FAHD1: variants seen among roughly 807,000 people sequenced by gnomAD.
FAHD1 encodes FAH domain containing oxaloacetate decarboxylase 1.
In FAHD1, 14 loss-of-function variants were observed where a neutral mutation model predicts 12.7. The ratio of observed to expected loss-of-function variants is 1.10; its 90% CI spans 0.73 to 1.72. The LOEUF (loss-of-function observed/expected upper bound fraction) is 1.72. FAHD1 is among the 40% of genes most tolerant of loss of function. The probability of loss-of-function intolerance (pLI) is 0.00; values close to 1 mark genes in which losing one functional copy is unlikely to be tolerated. For synonymous variants in FAHD1, 153 were observed against 124.9 expected (o/e 1.22, Z -1.50); for missense variants, 351 against 298.9 (o/e 1.17, Z -1.29).
At chr16:1,833,773 G>C (rs572755756), downstream of FAHD1, among the ~76,000 whole-genome samples, 9 of 151,984 alleles carry the variant, frequency 5.9e-5, no homozygotes, top group Non-Finnish European at 1.2e-4. Flanking sequence ...GTGTTAGCCA[G>C]GATGGTCTCG....
exon 3 of FAHD1, chr16:1,839,970 C>T (rs1898857905): frequency 6.6e-6 from 1 of 152,418 alleles, no homozygotes; most frequent in South Asian, 2.1e-4. Context: ...CCGGGTAGCA[C>T]CCAGATGCTA....
chr16:1,831,242 A>G (rs1898616202), downstream of FAHD1, among the ~76,000 whole-genome samples: 1 of 152,188 alleles, frequency 6.6e-6, no homozygotes, highest in South Asian at 2.1e-4. Context: ...CCCCTTTTTA[A>G]TGGCTGTATC....
chr16:1,827,313 G>T (rs764552587), exon 1 of FAHD1: 16 of 1,613,112 alleles, frequency 9.9e-6, no homozygotes, highest in Admixed American at 3.3e-5. Flanking sequence ...GGAACTACGC[G>T]GACCACGTCA....
chr16:1,827,957 C>T (rs1277184745), exon 1 of FAHD1: 25 of 1,575,708 alleles, frequency 1.6e-5, no homozygotes, highest in Non-Finnish European at 2.2e-5. Context: ...GAGCAAGCAA[C>T]GGCTATTAAA....
At chr16:1,833,557 T>TTTC (rs1276623810), downstream of FAHD1, among the ~76,000 whole-genome samples, 38 of 130,900 alleles carry the variant, frequency 2.9e-4, no homozygotes, top group Non-Finnish European at 5.1e-4. Flanking sequence ...AGAGGTACTT[T>TTTC]TTTTTTTTTT....
intron 2 of FAHD1, among the ~76,000 whole-genome samples, chr16:1,838,784 T>G (rs957871400): frequency 1.3e-5 from 2 of 152,158 alleles, no homozygotes; most frequent in Non-Finnish European, 2.9e-5. Flanking sequence ...TTCCACATCC[T>G]GGGCTCAAGT....
downstream of FAHD1, among the ~76,000 whole-genome samples, chr16:1,832,772 C>T (rs1898647250): frequency 2.0e-5 from 3 of 151,708 alleles, no homozygotes; most frequent in Admixed American, 2.0e-4. Context: ...CTCTCCTCTC[C>T]TTCCTTCCCT....
chr16:1,827,600 G>A (rs377760925), exon 1 of FAHD1: 4 of 1,613,732 alleles, frequency 2.5e-6, no homozygotes, highest in Non-Finnish European at 3.4e-6. Flanking sequence ...CTGGCGAAGA[G>A]CTTCACGGCG....
intron 1 of FAHD1, among the ~76,000 whole-genome samples, chr16:1,835,725 T>C (rs1898726662): frequency 6.6e-6 from 1 of 152,228 alleles, no homozygotes; most frequent in African/African-American, 2.4e-5. Context: ...ACCCTGCTCA[T>C]GGAATCCCCA....
chr16:1,839,492 A>C, exon 3 of FAHD1: 71 of 1,479,680 alleles, frequency 4.8e-5, no homozygotes, highest in Non-Finnish European at 6.1e-5. Flanking sequence ...TACAAATTTC[A>C]TCTGTAGCAG....
chr16:1,827,601 C>G, exon 1 of FAHD1: 1 of 1,613,858 alleles, frequency 6.2e-7, no homozygotes, highest in South Asian at 1.1e-5. Flanking sequence ...TGGCGAAGAG[C>G]TTCACGGCGT....
chr16:1,827,668 A>C (rs1898518469), exon 1 of FAHD1: 5 of 1,614,014 alleles, frequency 3.1e-6, no homozygotes, highest in Non-Finnish European at 4.2e-6. Flanking sequence ...TCACAAGCTG[A>C]AGCTCTGGCT....
exon 1 of FAHD1, chr16:1,827,299 G>A (rs1898492347): frequency 1.2e-6 from 2 of 1,613,224 alleles, no homozygotes; most frequent in Non-Finnish European, 1.7e-6. Context: ...CGTCTGCGTG[G>A]GGAGGAACTA....
At chr16:1,830,915 T>TGTACACACAC (rs1326026830), downstream of FAHD1, among the ~76,000 whole-genome samples, 3 of 37,528 alleles carry the variant, frequency 8.0e-5, no homozygotes, top group Admixed American at 6.9e-4. Context: ...TCTCTCTCTC[T>TGTACACACAC]ATACACACAC....
intron 1 of FAHD1, chr16:1,837,573 A>G (rs11643835): frequency 0.18 from 63,239 of 360,506 alleles, 6,015 homozygotes; most frequent in South Asian, 0.27. Flanking sequence ...TTGTTGGTCT[A>G]TTTTCTTTGA....
chr16:1,827,488 G>A, exon 1 of FAHD1: 1 of 1,612,664 alleles, frequency 6.2e-7, no homozygotes, highest in African/African-American at 1.3e-5. Context: ...CGCAGTCCCC[G>A]AGGCTGCGGC....
downstream of FAHD1, among the ~76,000 whole-genome samples, chr16:1,832,701 A>T (rs1316056773): frequency 6.6e-6 from 1 of 151,950 alleles, no homozygotes; most frequent in Admixed American, 6.6e-5. Context: ...GGGGCACCAT[A>T]CCCACTCTTG....
At chr16:1,834,879 G>A (rs1396474175) in intron 1 of FAHD1, among the ~76,000 whole-genome samples, 1 of 152,086 alleles carries the variant, frequency 6.6e-6, no homozygotes, top group East Asian at 1.9e-4. Flanking sequence ...AGGTTGCAGT[G>A]AGCAGAGATT....
chr16:1,828,146 T>G, exon 1 of FAHD1: 1 of 857,258 alleles, frequency 1.2e-6, no homozygotes. Context: ...CCGGGCGTGG[T>G]GGCGGGCGCC....
Sources: allele counts gnomAD v4.1 joint callset (sites outside exome capture counted in the v4.1 genomes callset), GRCh38; gene constraint gnomAD v4.1.1; transcripts MANE v1.5; gene names NCBI Gene and HGNC (gene_info 2026-07-23, HGNC 2026-07-21).